SLC24A2: variants seen among roughly 807,000 people sequenced by gnomAD.
The protein encoded by SLC24A2 is sodium/potassium/calcium exchanger 2.
Under a neutral mutation model 62.0 loss-of-function variants are expected in SLC24A2, and 36 were observed. The ratio of observed to expected loss-of-function variants is 0.58; its 90% CI spans 0.44 to 0.77. SLC24A2 has a LOEUF of 0.77. SLC24A2 is among the 30% of genes least tolerant of loss of function. The probability of loss-of-function intolerance (pLI) is 0.00; values close to 1 mark genes in which losing one functional copy is unlikely to be tolerated. For synonymous variants in SLC24A2, 358 were observed against 294.0 expected, an observed-to-expected ratio of 1.22 and a Z score of -2.23; for missense variants, 846 against 817.9, an observed-to-expected ratio of 1.03 and a Z score of -0.42.
chr9:20,105,238 C>G, the SLC24A2 span, among the ~76,000 whole-genome samples: 1 of 152,134 alleles, frequency 6.6e-6, no homozygotes, highest in East Asian at 1.9e-4. Context: ...GACTCCCACA[C>G]AATAATAATG....
Position 19,786,532 on chromosome 9 carries a change from C to G in SLC24A2, c.335G>C (p.Ser112Thr). ...PLSKEGESEN[S>T]TDHAQGDYPK... ...GTAGTCTCCTTGGGCGTGATCTGTA[C>G]TATTCTCAGACTCGCCTTCCTTAGA... Residue 112 changes from serine to threonine, a missense_variant, in exon 2 of 11, where the codon AGT becomes ACT. Coordinates refer to ENST00000341998, the MANE Select transcript of SLC24A2 (RefSeq NM_020344.4). This position sits in a 1 kb window ranked among gnomAD's most constrained non-coding sequence, Gnocchi z 5.0. The G allele has an allele frequency of 1.2e-6, 2 of 1,614,214 alleles. No individual in the cohort carries two copies. Among genetic ancestry groups the G allele is most frequent in the Non-Finnish European group, 1.7e-6 (2 of 1,180,036 alleles).
chr9:20,010,041 T>G, the SLC24A2 span, among the ~76,000 whole-genome samples: 1 of 152,166 alleles, frequency 6.6e-6, no homozygotes, highest in Non-Finnish European at 1.5e-5. Flanking sequence ...TCAGATATAA[T>G]TTCAGTGCCC....
intron 2 of SLC24A2, among the ~76,000 whole-genome samples, chr9:19,718,060 T>A (rs1387764729): frequency 6.8e-6 from 1 of 146,760 alleles, no homozygotes; most frequent in Non-Finnish European, 1.5e-5. Context: ...CACTGCAACC[T>A]CCGCCTCCCA....
the SLC24A2 span, among the ~76,000 whole-genome samples, chr9:20,228,718 A>G: frequency 6.6e-6 from 1 of 152,302 alleles, no homozygotes; most frequent in African/African-American, 2.4e-5. Context: ...GGGTATAACC[A>G]GTGTGGCACC....
intron 2 of SLC24A2, among the ~76,000 whole-genome samples, chr9:19,769,873 G>T (rs916302688): frequency 1.3e-5 from 2 of 152,006 alleles, no homozygotes; most frequent in African/African-American, 2.4e-5. Flanking sequence ...TCTGTGGGGG[G>T]TTGCCTGTTC....
At chr9:19,735,916 T>C (rs1821495922) in intron 2 of SLC24A2, among the ~76,000 whole-genome samples, 1 of 151,880 alleles carries the variant, frequency 6.6e-6, no homozygotes, top group African/African-American at 2.4e-5. Flanking sequence ...AAATGACGAG[T>C]TAATGAGTGC....
the SLC24A2 span, among the ~76,000 whole-genome samples, chr9:20,121,008 G>A: frequency 5.4e-5 from 8 of 149,498 alleles, no homozygotes; most frequent in East Asian, 2.0e-4. Flanking sequence ...ACCAGTATAC[G>A]TGTTTAATTA....
chr9:20,218,810 G>C, the SLC24A2 span, among the ~76,000 whole-genome samples: 1 of 152,018 alleles, frequency 6.6e-6, no homozygotes, highest in Non-Finnish European at 1.5e-5. Context: ...GTTTCTATAG[G>C]TCAGAAGACC....
chr9:19,878,991 G>T, the SLC24A2 span, among the ~76,000 whole-genome samples: 6 of 151,946 alleles, frequency 3.9e-5, no homozygotes, highest in Non-Finnish European at 8.8e-5. Context: ...ACTTCTCTTT[G>T]GAGACCACCT....
At chr9:20,276,482 G>A in the SLC24A2 span, among the ~76,000 whole-genome samples, 2,627 of 152,294 alleles carry the variant, frequency 0.017, 34 homozygotes, top group East Asian at 0.036. Flanking sequence ...ACTCCTGGCT[G>A]CTTTCATGGG....
the SLC24A2 span, among the ~76,000 whole-genome samples, chr9:20,167,380 C>T: frequency 6.6e-6 from 1 of 151,892 alleles, no homozygotes; most frequent in Non-Finnish European, 1.5e-5. Context: ...GAAGTTCTTA[C>T]TGTGGAGAAA....
chr9:19,652,230 A>G (rs772517451), intron 2 of SLC24A2, among the ~76,000 whole-genome samples: 8 of 152,140 alleles, frequency 5.3e-5, no homozygotes, highest in Non-Finnish European at 1.0e-4. Flanking sequence ...TGTTTGGTGA[A>G]GATAACATTT....
chr9:20,057,567 C>A, the SLC24A2 span, among the ~76,000 whole-genome samples: 3 of 152,204 alleles, frequency 2.0e-5, no homozygotes, highest in Non-Finnish European at 2.9e-5. Flanking sequence ...TTTGTCCCAT[C>A]AGCCTCATGA....
the SLC24A2 span, among the ~76,000 whole-genome samples, chr9:20,244,818 T>G: frequency 6.6e-6 from 1 of 152,238 alleles, no homozygotes; most frequent in Non-Finnish European, 1.5e-5. Context: ...AAAACAGAAA[T>G]GTAGTTTGCT....
the SLC24A2 span, among the ~76,000 whole-genome samples, chr9:19,820,072 T>TACAC: frequency 8.0e-6 from 1 of 124,614 alleles, no homozygotes; most frequent in African/African-American, 3.0e-5. Context: ...TATATATATA[T>TACAC]ATATATATAT....
chr9:20,034,817 C>A, the SLC24A2 span, among the ~76,000 whole-genome samples: 1 of 152,114 alleles, frequency 6.6e-6, no homozygotes, highest in African/African-American at 2.4e-5. Flanking sequence ...ATGGAACTAG[C>A]ACTGATTCCA....
At chr9:19,791,916 A>G (rs1823324431), upstream of SLC24A2, among the ~76,000 whole-genome samples, 1 of 152,232 alleles carries the variant, frequency 6.6e-6, no homozygotes, top group Admixed American at 6.5e-5. Context: ...TATTAGCTGT[A>G]AGATTGGTTT....
intron 10 of SLC24A2, 138 bp from the exon 11 acceptor site, chr9:19,516,540 G>C (rs1354517016): frequency 3.7e-6 from 4 of 1,090,618 alleles, no homozygotes; most frequent in Non-Finnish European, 5.3e-6. Flanking sequence ...GGTTCACTAT[G>C]ACTCGGGCAT....
chr9:19,886,701 G>C, the SLC24A2 span, among the ~76,000 whole-genome samples: 1 of 152,058 alleles, frequency 6.6e-6, no homozygotes, highest in Admixed American at 6.5e-5. Context: ...CCCATTACTG[G>C]GTATATACCC....
Sources: gnomAD v4.1 joint callset for allele counts (sites outside exome capture counted in the v4.1 genomes callset) on GRCh38, gnomAD v4.1.1 for gene constraint, Gnocchi (gnomAD v3.1) non-coding constraint, MANE v1.5 for transcripts, NCBI Gene and HGNC (gene_info 2026-07-23, HGNC 2026-07-21) for gene names.